The following KCNIP4 variants were observed in gnomAD, a reference collection of about 807,000 sequenced individuals.
KCNIP4 encodes Kv channel-interacting protein 4.
KCNIP4 carries 12 observed loss-of-function variants against 34.0 expected under a neutral mutation model. That is an observed-to-expected ratio of 0.35 (90% CI 0.23 to 0.57). KCNIP4 has a LOEUF of 0.57. KCNIP4 is among the 20% of genes least tolerant of loss of function. The pLI is 0.83. For synonymous variants in KCNIP4, 124 were observed against 102.2 expected (o/e 1.21, Z -1.29); for missense variants, 238 against 311.7 (o/e 0.76, Z 1.78).
At chr4:21,060,501 C>G (rs1743816276) in intron 1 of KCNIP4, among the ~76,000 whole-genome samples, 1 of 152,160 alleles carries the variant, frequency 6.6e-6, no homozygotes, top group Admixed American at 6.5e-5. Context: ...ATGTTTGTTG[C>G]AAAGATAATT....
chr4:21,944,137 T>C (rs1231183782), intron 1 of KCNIP4, among the ~76,000 whole-genome samples: 1 of 151,622 alleles, frequency 6.6e-6, no homozygotes, highest in Non-Finnish European at 1.5e-5. Flanking sequence ...CCCATCAAAA[T>C]AAGAATCAAA....
At chr4:21,013,522 A>G (rs1184875091) in intron 1 of KCNIP4, among the ~76,000 whole-genome samples, 1 of 152,140 alleles carries the variant, frequency 6.6e-6, no homozygotes, top group Non-Finnish European at 1.5e-5. Flanking sequence ...AAGCCTTGAA[A>G]ATGCCACCAA....
intron 3 of KCNIP4, among the ~76,000 whole-genome samples, chr4:20,760,696 A>C (rs891953840): frequency 1.3e-5 from 2 of 152,276 alleles, no homozygotes; most frequent in South Asian, 2.1e-4. Flanking sequence ...ACTTTGTTAC[A>C]CACTAAGCCA....
chr4:20,829,625 A>G (rs1219060316), intron 3 of KCNIP4, among the ~76,000 whole-genome samples: 2 of 152,116 alleles, frequency 1.3e-5, no homozygotes, highest in African/African-American at 4.8e-5. Flanking sequence ...AGCTAGTATT[A>G]TATTTCTGTG....
At chr4:21,610,533 G>T (rs1744068183) in intron 1 of KCNIP4, among the ~76,000 whole-genome samples, 2 of 152,078 alleles carry the variant, frequency 1.3e-5, no homozygotes, top group Admixed American at 6.6e-5. Flanking sequence ...TGTGAGGGAG[G>T]ATGACACAAT....
At chr4:21,078,649 T>C (rs1027456065) in intron 1 of KCNIP4, among the ~76,000 whole-genome samples, 4 of 152,002 alleles carry the variant, frequency 2.6e-5, no homozygotes, top group Admixed American at 6.6e-5. Flanking sequence ...AGCATACCCA[T>C]TGAGAAGAAC....
intron 3 of KCNIP4, among the ~76,000 whole-genome samples, chr4:20,807,857 AAAG>A (rs953449519): frequency 1.3e-5 from 2 of 152,198 alleles, no homozygotes; most frequent in South Asian, 2.1e-4. Flanking sequence ...GGATTGTCAT[AAAG>A]AAGACACTAT....
chr4:21,170,916 T>A (rs1244743731), intron 1 of KCNIP4, among the ~76,000 whole-genome samples: 1 of 152,146 alleles, frequency 6.6e-6, no homozygotes, highest in Non-Finnish European at 1.5e-5. Context: ...AAGTACTATA[T>A]TTAGTCAAGT....
intron 1 of KCNIP4, among the ~76,000 whole-genome samples, chr4:21,371,306 C>A (rs975494338): frequency 1.4e-5 from 2 of 146,338 alleles, no homozygotes; most frequent in South Asian, 2.1e-4. Flanking sequence ...AAAGAAAGAA[C>A]AATGTAGGCA....
At chr4:20,960,554 G>C (rs1404017755) in intron 1 of KCNIP4, among the ~76,000 whole-genome samples, 1 of 152,220 alleles carries the variant, frequency 6.6e-6, no homozygotes, top group African/African-American at 2.4e-5. Flanking sequence ...CATGCACAGG[G>C]AGTGGGAACT....
At chr4:20,963,908 T>TA (rs547525403) in intron 1 of KCNIP4, among the ~76,000 whole-genome samples, 2 of 150,998 alleles carry the variant, frequency 1.3e-5, no homozygotes, top group East Asian at 1.9e-4. Flanking sequence ...AATATATATA[T>TA]AAAAAAAAAG....
At chr4:21,610,719 G>A (rs1268582932) in intron 1 of KCNIP4, among the ~76,000 whole-genome samples, 3 of 151,978 alleles carry the variant, frequency 2.0e-5, no homozygotes, top group African/African-American at 7.3e-5. Context: ...CCCGAGACTG[G>A]GTAATTTATA....
chr4:21,344,684 C>A (rs1174078973), intron 1 of KCNIP4, among the ~76,000 whole-genome samples: 1 of 152,138 alleles, frequency 6.6e-6, no homozygotes, highest in African/African-American at 2.4e-5. Flanking sequence ...ATTAAAGCAT[C>A]ACAAAATCCC....
chr4:21,169,547 A>G (rs974687339), intron 1 of KCNIP4, among the ~76,000 whole-genome samples: 1 of 152,180 alleles, frequency 6.6e-6, no homozygotes, highest in African/African-American at 2.4e-5. Context: ...GATATTAGAA[A>G]TAAGTTTTAA....
chr4:21,565,660 G>C (rs550449565), intron 1 of KCNIP4, among the ~76,000 whole-genome samples: 7 of 152,084 alleles, frequency 4.6e-5, no homozygotes, highest in African/African-American at 1.7e-4. Flanking sequence ...ATTCATTACA[G>C]ATTTATAGCT....
rs73802501 is a variant in KCNIP4 at position 21,126,692 on chromosome 4, G to A, written c.62-243983C>T. Among the ~76,000 whole-genome samples, 558 of 150,902 alleles carry A rather than the reference G, an allele frequency of 3.7e-3. 4 individuals are homozygous for A. The highest frequency in any genetic ancestry group is 0.012 in the African/African-American group (510 of 41,018). On this transcript the variant is annotated intron_variant, in intron 1 of 8. Coordinates refer to ENST00000382152, the MANE Select transcript of KCNIP4 (RefSeq NM_025221.6). ...CAATTTAGTGAAGAGAAATAAGAGT[G>A]TTTCTGGAAGGGATCAAGTTCACCT...
chr4:21,229,784 T>G (rs2109018361), intron 1 of KCNIP4, among the ~76,000 whole-genome samples: 1 of 152,266 alleles, frequency 6.6e-6, no homozygotes, highest in African/African-American at 2.4e-5. Context: ...ATTGCTATTC[T>G]ATTTGATTTG....
chr4:21,452,038 T>TC (rs34944986), intron 1 of KCNIP4, among the ~76,000 whole-genome samples: 6 of 151,842 alleles, frequency 4.0e-5, no homozygotes, highest in Admixed American at 1.3e-4. Context: ...TTCTGTTTCT[T>TC]CCCCCCCAAC....
intron 1 of KCNIP4, among the ~76,000 whole-genome samples, chr4:21,644,884 G>A (rs1746901134): frequency 3.3e-5 from 5 of 152,040 alleles, no homozygotes; most frequent in Admixed American, 3.3e-4. Flanking sequence ...GAAAACTGGT[G>A]TAGTGAATTC....
Sources: gnomAD v4.1 joint callset for allele counts (sites outside exome capture counted in the v4.1 genomes callset) on GRCh38, gnomAD v4.1.1 for gene constraint, MANE v1.5 for transcripts, NCBI Gene and HGNC (gene_info 2026-07-23, HGNC 2026-07-21) for gene names.